The following ZNRF1 variants were observed in gnomAD, a reference collection of about 807,000 sequenced individuals.
The protein encoded by ZNRF1 is E3 ubiquitin-protein ligase ZNRF1.
A neutral mutation model predicts 18.4 loss-of-function variants in ZNRF1; 3 were observed. The observed-to-expected ratio is 0.16, with a 90% CI of 0.07 to 0.42. The LOEUF (loss-of-function observed/expected upper bound fraction) is 0.42. ZNRF1 is among the 10% of genes least tolerant of loss of function. ZNRF1 has a pLI of 0.99. For synonymous variants in ZNRF1, 157 were observed against 144.2 expected (o/e 1.09, Z -0.64); for missense variants, 310 against 329.8 (o/e 0.94, Z 0.47).
chr16:75,000,661 A>G (rs977156375), intron 1 of ZNRF1, among the ~76,000 whole-genome samples: 9 of 152,188 alleles, frequency 5.9e-5, no homozygotes, highest in African/African-American at 1.7e-4. Flanking sequence ...GCTGGCATAG[A>G]CAGGTGTGGC....
rs918563482 is a variant in ZNRF1 at position 75,095,875 on chromosome 16, G to A, written c.520+2208G>A. ...GTTTACCCCCCTACACCCCACCACC[G>A]GCAGCCTCACCCAAGACTACAGAAA... On this transcript the variant is annotated intron_variant, in intron 2 of 4. Transcript: ENST00000335325. 6.8e-5 allele frequency: 61 copies of A among 895,098 alleles called. No individual in the cohort carries two copies. In the South Asian group the frequency reaches 1.6e-3, roughly 23 times the overall value. The allele number at this position is 895,098 out of a possible 1,614,324, so 55.4% of individuals were successfully genotyped here. A position where few individuals can be genotyped will look rare whatever the true frequency, so the allele number is the denominator to read the frequency against.
intron 1 of ZNRF1, among the ~76,000 whole-genome samples, chr16:75,038,494 A>C (rs1311611859): frequency 6.6e-6 from 1 of 152,198 alleles, no homozygotes; most frequent in African/African-American, 2.4e-5. Context: ...GGCTTTCTCC[A>C]CCTTCCGTTG....
intron 1 of ZNRF1, among the ~76,000 whole-genome samples, chr16:75,043,693 A>G (rs1158823118): frequency 6.6e-6 from 1 of 152,024 alleles, no homozygotes; most frequent in Non-Finnish European, 1.5e-5. Context: ...ACAGGTATAT[A>G]TAGCATGTAA....
intron 2 of ZNRF1, among the ~76,000 whole-genome samples, chr16:75,099,406 C>T (rs1225039324): frequency 1.3e-5 from 2 of 152,142 alleles, no homozygotes; most frequent in African/African-American, 2.4e-5. Flanking sequence ...CAGCCCATCA[C>T]AGGCATCATC....
At chr16:75,039,750 G>A (rs1242699622) in intron 1 of ZNRF1, among the ~76,000 whole-genome samples, 1 of 152,212 alleles carries the variant, frequency 6.6e-6, no homozygotes. Context: ...TGTTCCAGGT[G>A]ATTCTTACGT....
chr16:75,035,262 G>A (rs1411975023), intron 1 of ZNRF1, among the ~76,000 whole-genome samples: 2 of 152,126 alleles, frequency 1.3e-5, no homozygotes, highest in Non-Finnish European at 2.9e-5. Flanking sequence ...TCCAACTCCT[G>A]GGCTCAAGTG....
intron 2 of ZNRF1, among the ~76,000 whole-genome samples, chr16:75,097,232 C>T (rs769655096): frequency 2.0e-5 from 3 of 152,088 alleles, no homozygotes; most frequent in East Asian, 1.9e-4. Context: ...GCAGAACAAG[C>T]GTGGAGGTGG....
At chr16:75,000,187 A>G in intron 1 of ZNRF1, 92 bp downstream of exon 1, 4 of 1,499,386 alleles carry the variant, frequency 2.7e-6, no homozygotes, top group South Asian at 1.2e-5. Context: ...AATGTAGTGC[A>G]CGACCGGGAT....
intron 1 of ZNRF1, among the ~76,000 whole-genome samples, chr16:75,057,373 T>A (rs7196872): frequency 0.37 from 56,655 of 152,060 alleles, 12,996 homozygotes; most frequent in Non-Finnish European, 0.51. Flanking sequence ...GAGTTTTTTT[T>A]AATATATTGA....
At chr16:75,018,550 G>A (rs564321903) in intron 1 of ZNRF1, among the ~76,000 whole-genome samples, 1 of 152,122 alleles carries the variant, frequency 6.6e-6, no homozygotes, top group East Asian at 1.9e-4. Flanking sequence ...CATCACATAT[G>A]TTTTTGGTAT....
intron 1 of ZNRF1, among the ~76,000 whole-genome samples, chr16:75,011,739 A>G (rs2035003289): frequency 1.3e-5 from 2 of 152,214 alleles, no homozygotes; most frequent in South Asian, 4.1e-4. Context: ...CCATCTTAAT[A>G]TCTGACGAGC....
chr16:75,099,072 C>T (rs531160198), intron 2 of ZNRF1, among the ~76,000 whole-genome samples: 4 of 152,274 alleles, frequency 2.6e-5, no homozygotes, highest in South Asian at 2.1e-4. Context: ...GCCTGTGAGA[C>T]GGGTGGTGTT....
chr16:75,088,970 G>C (rs1382273849), intron 1 of ZNRF1, among the ~76,000 whole-genome samples: 1 of 152,194 alleles, frequency 6.6e-6, no homozygotes, highest in Non-Finnish European at 1.5e-5. Context: ...GCACCCGGCA[G>C]AGATGGGAGC....
At chr16:75,042,292 G>A (rs1450611797) in intron 1 of ZNRF1, among the ~76,000 whole-genome samples, 1 of 151,860 alleles carries the variant, frequency 6.6e-6, no homozygotes, top group Non-Finnish European at 1.5e-5. Context: ...GATGCTTTTG[G>A]TATATGTAAA....
At chr16:75,008,449 G>A (rs2034951864) in intron 1 of ZNRF1, among the ~76,000 whole-genome samples, 1 of 151,982 alleles carries the variant, frequency 6.6e-6, no homozygotes, top group South Asian at 2.1e-4. Context: ...GCTACAGAAG[G>A]GCTTCCTGAG....
At chr16:75,090,036 C>T (rs976610694) in intron 1 of ZNRF1, among the ~76,000 whole-genome samples, 1 of 152,196 alleles carries the variant, frequency 6.6e-6, no homozygotes, top group African/African-American at 2.4e-5. Context: ...TGTCCTAGAC[C>T]ACATCCCTCC....
At chr16:75,050,899 CAAAA>C (rs796834732) in intron 1 of ZNRF1, among the ~76,000 whole-genome samples, 50 of 41,144 alleles carry the variant, frequency 1.2e-3, no homozygotes, top group African/African-American at 3.7e-3. Flanking sequence ...CAAAAAAAAA[CAAAA>C]AACTTGTAGC....
At chr16:75,085,890 A>G (rs910112773) in intron 1 of ZNRF1, among the ~76,000 whole-genome samples, 6 of 151,920 alleles carry the variant, frequency 3.9e-5, no homozygotes, top group African/African-American at 1.5e-4. Context: ...GGAAGCTGAG[A>G]AATCCCATGA....
At chr16:75,087,773 C>T (rs1057296345) in intron 1 of ZNRF1, among the ~76,000 whole-genome samples, 1 of 152,262 alleles carries the variant, frequency 6.6e-6, no homozygotes, top group African/African-American at 2.4e-5. Context: ...TGATTGCCTA[C>T]GGTGAACCAG....
Sources: gnomAD v4.1 joint callset for allele counts (sites outside exome capture counted in the v4.1 genomes callset) on GRCh38, gnomAD v4.1.1 for gene constraint, MANE v1.5 for transcripts, NCBI Gene and HGNC (gene_info 2026-07-23, HGNC 2026-07-21) for gene names.